The following OR5A1 variants were observed in gnomAD, a reference collection of about 807,000 sequenced individuals.
OR5A1 encodes the protein olfactory receptor family 5 subfamily A member 1.
In OR5A1, 6 loss-of-function variants were observed where a neutral mutation model predicts 6.7. That is an observed-to-expected ratio of 0.89 (90% CI 0.49 to 1.76). The LOEUF (loss-of-function observed/expected upper bound fraction) is 1.76, where lower values mean the gene tolerates loss of function less well. OR5A1 is among the 40% of genes most tolerant of loss of function. The pLI, the probability that OR5A1 is intolerant of heterozygous loss-of-function variation, is 0.01. For synonymous variants in OR5A1, 170 were observed against 155.0 expected (o/e 1.10, Z -0.72); for missense variants, 378 against 381.7 (o/e 0.99, Z 0.08).
chr11:59,437,507 G>A (rs1858432391), intron 1 of OR5A1, among the ~76,000 whole-genome samples: 1 of 152,174 alleles, frequency 6.6e-6, no homozygotes, highest in Non-Finnish European at 1.5e-5. Context: ...TGGCTTGATA[G>A]CTCATTTATT....
chr11:59,436,885 T>C (rs899162192), intron 1 of OR5A1, 50 bp downstream of exon 1: 1 of 152,212 alleles, frequency 6.6e-6, no homozygotes, highest in Non-Finnish European at 1.5e-5. Context: ...TCTCACATGA[T>C]AGAATTCCCT....
rs181575311 is a variant in OR5A1, at chr11:59,450,897, T to G, written c.*6781T>G. ...TATTGTGCCATATTTATTGAACAAATTTTCTATATCAGACGCTAACTTAAA... is the reference window on the plus strand; with the variant it reads ...TATTGTGCCATATTTATTGAACAAAGTTTCTATATCAGACGCTAACTTAAA... On this transcript the variant is annotated 3_prime_UTR_variant, in exon 2 of 2. Transcript: ENST00000641045. The G allele has an allele frequency of 5.3e-5, 8 of 152,368 alleles. No homozygotes were observed. In the East Asian group the frequency reaches 1.5e-3, roughly 29 times the overall value. The allele number at this position is 152,368 out of a possible 1,614,324, so 9.4% of individuals were successfully genotyped here.
rs1278088820 is a variant in OR5A1, at chr11:59,447,147, G to T, written c.*3031G>T. The T allele has an allele frequency of 6.6e-6, 1 of 152,184 alleles. No individual in the cohort carries two copies. Among genetic ancestry groups the T allele is most frequent in the Non-Finnish European group, 1.5e-5 (1 of 68,036 alleles). The allele number at this position is 152,184 out of a possible 1,614,324, so 9.4% of individuals were successfully genotyped here. A position where few individuals can be genotyped will look rare whatever the true frequency, so the allele number is the denominator to read the frequency against. ...ATTGAGTGGAAGCTGACTCAGCATGGCTCCTGAGACTAAACTCATAAACAC... is the reference window on the plus strand; with the variant it reads ...ATTGAGTGGAAGCTGACTCAGCATGTCTCCTGAGACTAAACTCATAAACAC... On this transcript the variant is annotated 3_prime_UTR_variant, in exon 2 of 2. Coordinates refer to ENST00000641045, the MANE Select transcript of OR5A1 (RefSeq NM_001004728.2).
chr11:59,444,008 C>G lies in OR5A1; in HGVS notation c.840C>G (p.Phe280Leu), dbSNP rs780313291. The change falls in exon 2 of 2, where the codon TTC becomes TTG. Residue 280 changes from phenylalanine (F) to leucine (L), a missense_variant. Phe to Leu is a conservative substitution (Grantham distance 22, BLOSUM62 0). Coordinates refer to ENST00000641045, the MANE Select transcript of OR5A1 (RefSeq NM_001004728.2). ...LLGRDKVVSV[F>L]YSLVIPMLNP... Reference sequence around the variant, plus strand: ...GCAGGGACAAGGTGGTGTCTGTTTTCTATTCATTGGTGATCCCCATGCTGA... The same window carrying G: ...GCAGGGACAAGGTGGTGTCTGTTTTGTATTCATTGGTGATCCCCATGCTGA... 1 of 1,613,978 alleles carries G rather than the reference C, an allele frequency of 6.2e-7. No homozygotes were observed. Among genetic ancestry groups the G allele is most frequent in the African/African-American group, 1.3e-5 (1 of 74,868 alleles).
chr11:59,444,323 A>G lies in OR5A1; in HGVS notation c.*207A>G. On this transcript the variant is annotated 3_prime_UTR_variant, in exon 2 of 2. Coordinates refer to ENST00000641045, the MANE Select transcript of OR5A1 (RefSeq NM_001004728.2). Reference sequence around the variant, plus strand: ...AAAAGGGAAGGAATTTCTTCAGAAAAAAAAAAAAAAAAAAAAGAACCTCCC... The same window carrying G: ...AAAAGGGAAGGAATTTCTTCAGAAAGAAAAAAAAAAAAAAAAGAACCTCCC... 22 of 338,730 alleles carry G rather than the reference A, an allele frequency of 6.5e-5. No individual in the cohort carries two copies. Among genetic ancestry groups the G allele is most frequent in the Non-Finnish European group, 1.0e-4 (19 of 183,226 alleles). The allele number at this position is 338,730 out of a possible 1,614,324, so 21.0% of individuals were successfully genotyped here.
Position 59,450,629 on chromosome 11 carries a change from G to A in OR5A1, c.*6513G>A, listed in dbSNP as rs1269594678. On this transcript the variant is annotated 3_prime_UTR_variant, in exon 2 of 2. Transcript: ENST00000641045. ...CCATTTAAAATCATTTTTTTAATTAGACACAACAGAACGTCTTTTTAAAAT... is the reference window on the plus strand; with the variant it reads ...CCATTTAAAATCATTTTTTTAATTAAACACAACAGAACGTCTTTTTAAAAT... The A allele has an allele frequency of 1.3e-5, 2 of 151,944 alleles. No individual in the cohort carries two copies. Among genetic ancestry groups the A allele is most frequent in the Non-Finnish European group, 2.9e-5 (2 of 67,992 alleles). The allele number at this position is 151,944 out of a possible 1,614,324, so 9.4% of individuals were successfully genotyped here.
Position 59,445,585 on chromosome 11 carries a change from A to G in OR5A1, c.*1469A>G, listed in dbSNP as rs889829464. 6.6e-6 allele frequency: 1 copy of G among 152,180 alleles called. No individual in the cohort carries two copies. The highest frequency in any genetic ancestry group is 6.5e-5 in the Admixed American group (1 of 15,282). The allele number at this position is 152,180 out of a possible 1,614,324, so 9.4% of individuals were successfully genotyped here. A position where few individuals can be genotyped will look rare whatever the true frequency, so the allele number is the denominator to read the frequency against. The stretch of plus-strand genomic sequence containing the variant: ...TTCTAGGTCTTTGAGGACTCGCCAC[A>G]CTGTCTTCCACAATGGTTGAACTAA... On this transcript the variant is annotated 3_prime_UTR_variant, in exon 2 of 2. Coordinates refer to ENST00000641045, the MANE Select transcript of OR5A1 (RefSeq NM_001004728.2).
intron 1 of OR5A1, 33 bp from the exon 2 acceptor site, chr11:59,443,103 C>A: frequency 8.2e-7 from 1 of 1,220,496 alleles, no homozygotes; most frequent in Non-Finnish European, 1.2e-6. Flanking sequence ...TTGCTAATAC[C>A]ACCTATAATG....
In OR5A1 at chr11:59,436,836, G is replaced by GT. The variant is rs1490594986; in HGVS notation, c.-34+2dup. 1.3e-5 allele frequency: 2 copies of GT among 152,192 alleles called. No homozygotes were observed. Among genetic ancestry groups the GT allele is most frequent in the Non-Finnish European group, 2.9e-5 (2 of 68,026 alleles). The allele number at this position is 152,192 out of a possible 1,614,324, so 9.4% of individuals were successfully genotyped here. ...GGGCAGACAGAGCAGGAGCAACAGG[G>GT]TAAGTGCAGTTTGCTCTTTGTCTTC... On this transcript the variant is annotated splice_donor_variant, in intron 1 of 1. Coordinates refer to ENST00000641045, the MANE Select transcript of OR5A1 (RefSeq NM_001004728.2). LOFTEE classifies it low-confidence loss of function (5UTR_SPLICE).
chr11:59,438,020 G>A (rs768684182), intron 1 of OR5A1, among the ~76,000 whole-genome samples: 112 of 152,068 alleles, frequency 7.4e-4, no homozygotes, highest in Non-Finnish European at 4.9e-4. Context: ...AAAGAGCCTG[G>A]CCCCTTTCTG....
intron 1 of OR5A1, among the ~76,000 whole-genome samples, chr11:59,441,969 TAGA>T (rs767472260): frequency 1.3e-5 from 2 of 151,916 alleles, no homozygotes; most frequent in East Asian, 3.9e-4. Flanking sequence ...GATAGATAGA[TAGA>T]TAGATAGATA....
chr11:59,441,717 C>G (rs1001834605), intron 1 of OR5A1, among the ~76,000 whole-genome samples: 1 of 152,180 alleles, frequency 6.6e-6, no homozygotes, highest in African/African-American at 2.4e-5. Context: ...TTAATAAAAT[C>G]AAGTCCCTGA....
chr11:59,437,199 G>A (rs758568725), intron 1 of OR5A1, among the ~76,000 whole-genome samples: 4 of 152,044 alleles, frequency 2.6e-5, no homozygotes, highest in Admixed American at 6.6e-5. Context: ...AAAATCCATA[G>A]TTAACATTTG....
chr11:59,444,244 T>G lies in OR5A1; in HGVS notation c.*128T>G. The G allele has an allele frequency of 3.5e-6, 2 of 579,652 alleles. No homozygotes were observed. The highest frequency in any genetic ancestry group is 6.0e-6 in the Non-Finnish European group (2 of 333,534). 35.9% of individuals were successfully genotyped at this position (579,652 alleles called of 1,614,324 possible). On this transcript the variant is annotated 3_prime_UTR_variant, in exon 2 of 2. Coordinates refer to ENST00000641045, the MANE Select transcript of OR5A1 (RefSeq NM_001004728.2). ...TTTGTGGAGACTCTTCCCTCCAGATTCCTCTCACCCTTCCTCATGGTCACT... is the reference window on the plus strand; with the variant it reads ...TTTGTGGAGACTCTTCCCTCCAGATGCCTCTCACCCTTCCTCATGGTCACT...
rs1427196079 is a variant in OR5A1 at position 59,445,245 on chromosome 11, G to A, written c.*1129G>A. ...CTCATTGTTTAGCTCTTACTTACAA[G>A]TGAGAACATTGGATATTTGGTTATC... On this transcript the variant is annotated 3_prime_UTR_variant, in exon 2 of 2. Coordinates refer to ENST00000641045, the MANE Select transcript of OR5A1 (RefSeq NM_001004728.2). 6.6e-6 allele frequency: 1 copy of A among 152,148 alleles called. No homozygotes were observed. Among genetic ancestry groups the A allele is most frequent in the Non-Finnish European group, 1.5e-5 (1 of 68,024 alleles). The allele number at this position is 152,148 out of a possible 1,614,324, so 9.4% of individuals were successfully genotyped here. A position where few individuals can be genotyped will look rare whatever the true frequency, so the allele number is the denominator to read the frequency against.
intron 1 of OR5A1, among the ~76,000 whole-genome samples, chr11:59,440,751 A>T (rs1218041155): frequency 6.6e-6 from 1 of 152,192 alleles, no homozygotes; most frequent in African/African-American, 2.4e-5. Context: ...TTGAAGGATA[A>T]AGAATCCTCT....
In OR5A1 at chr11:59,443,927, G is replaced by C; in HGVS notation, c.759G>C (p.Leu253=). The C allele has an allele frequency of 6.2e-7, 1 of 1,614,096 alleles. No homozygotes were observed. Among genetic ancestry groups the C allele is most frequent in the Non-Finnish European group, 8.5e-7 (1 of 1,180,022 alleles). The change falls in exon 2 of 2, where the codon CTG becomes CTC. Residue 253 remains leucine, a synonymous_variant. Transcript: ENST00000641045. ...TCASHLMVVT[L]LFGTALFVYL... ...CCTCGCATCTGATGGTGGTGACTCT[G>C]CTGTTTGGGACAGCCCTTTTCGTGT...
At chr11:59,438,846 G>C (rs1858450483) in intron 1 of OR5A1, among the ~76,000 whole-genome samples, 1 of 152,190 alleles carries the variant, frequency 6.6e-6, no homozygotes, top group South Asian at 2.1e-4. Flanking sequence ...GATACCATCT[G>C]AATCTTAATT....
intron 1 of OR5A1, among the ~76,000 whole-genome samples, chr11:59,439,432 GTGT>G (rs1474928254): frequency 3.9e-5 from 6 of 152,086 alleles, no homozygotes; most frequent in Admixed American, 2.0e-4. Flanking sequence ...ATTATACCTG[GTGT>G]TGATTATATC....
Sources: gnomAD v4.1 joint callset for allele counts (sites outside exome capture counted in the v4.1 genomes callset) on GRCh38, gnomAD v4.1.1 for gene constraint, MANE v1.5 for transcripts, NCBI Gene and HGNC (gene_info 2026-07-23, HGNC 2026-07-21) for gene names.